Variants in GUCY2F observed in about 807,000 individuals in gnomAD.
GUCY2F encodes guanylate cyclase 2F, retinal.
A neutral mutation model predicts 73.1 loss-of-function variants in GUCY2F; 61 were observed. The observed-to-expected ratio is 0.83, with a 90% CI of 0.68 to 1.03. GUCY2F has a LOEUF of 1.03. Ranked by LOEUF, GUCY2F falls within the 50% of genes least tolerant of loss-of-function variation. The pLI is 0.00. For synonymous variants in GUCY2F, 331 were observed against 307.8 expected (o/e 1.08, Z -0.79); for missense variants, 912 against 854.3 (o/e 1.07, Z -0.84).
chrX:109,475,840 G>A lies in GUCY2F; in HGVS notation c.97C>T (p.Leu33=), dbSNP rs1359355781. The change falls in exon 2 of 20, where the codon CTG becomes TTG. Residue 33 remains leucine (L), a synonymous_variant. Coordinates refer to ENST00000218006, the MANE Select transcript of GUCY2F (RefSeq NM_001522.3). ...GHHGLASAKF[L]WCLCLLSVMS... ...ACAGACAGAAGGCACAAGCACCACA[G>A]GAACTTGGCAGATGCAAGGCCATGG... is the stretch of plus-strand genomic sequence containing the variant. The A allele has an allele frequency of 8.3e-7, 1 of 1,211,126 alleles. No homozygotes were observed. The highest frequency in any genetic ancestry group is 1.1e-6 in the Non-Finnish European group (1 of 895,257).
intron 10 of GUCY2F, among the ~76,000 whole-genome samples, chrX:109,403,644 A>G (rs1451468182): frequency 8.9e-6 from 1 of 112,236 alleles, no homozygotes; most frequent in East Asian, 2.8e-4. Flanking sequence ...TTTAAAAACC[A>G]TATATAACAT....
chrX:109,388,754 CTTG>C, intron 14 of GUCY2F, 91 bp from the exon 15 acceptor site: 2 of 567,865 alleles, frequency 3.5e-6, no homozygotes, highest in Non-Finnish European at 5.8e-6. Context: ...GCCAGGTGGT[CTTG>C]TTGTAAAGTG....
At chrX:109,411,896 A>G (rs1169826866) in intron 8 of GUCY2F, among the ~76,000 whole-genome samples, 1 of 112,160 alleles carries the variant, frequency 8.9e-6, no homozygotes, top group Non-Finnish European at 1.9e-5. Flanking sequence ...ACAGCCTGCA[A>G]TAATAAGACT....
At chrX:109,396,633 A>C (rs1159120834) in intron 11 of GUCY2F, among the ~76,000 whole-genome samples, 1 of 111,756 alleles carries the variant, frequency 8.9e-6, no homozygotes, top group Non-Finnish European at 1.9e-5. Flanking sequence ...TTGCCCCACC[A>C]GTGTGACCTT....
chrX:109,435,217 C>G lies in GUCY2F; in HGVS notation c.1702-4821G>C, dbSNP rs1425405638. Among the ~76,000 whole-genome samples, 17 of 110,900 alleles carry G rather than the reference C, an allele frequency of 1.5e-4. No homozygotes were observed. The South Asian group carries it at 6.5e-3, about 43-fold the overall frequency. ...CATTGAATCTATAAATTACCTTGGG[C>G]AGTATGGCCATTTTCACGATATTGA... is the stretch of plus-strand genomic sequence containing the variant. On this transcript the variant is annotated intron_variant, in intron 7 of 19. Transcript: ENST00000218006.
intron 2 of GUCY2F, among the ~76,000 whole-genome samples, chrX:109,474,178 A>G (rs2147285078): frequency 9.0e-6 from 1 of 111,692 alleles, no homozygotes; most frequent in South Asian, 3.8e-4. Context: ...TCTCTAACAA[A>G]CATTTCCTTA....
At chrX:109,407,603 A>T (rs1264755678) in intron 9 of GUCY2F, among the ~76,000 whole-genome samples, 1 of 112,957 alleles carries the variant, frequency 8.9e-6, no homozygotes, top group African/African-American at 3.2e-5. Flanking sequence ...ACAGGCCTGG[A>T]GGCCCAGGAG....
At chrX:109,465,515 G>A in intron 2 of GUCY2F, 72 bp from the exon 3 acceptor site, 1 of 780,460 alleles carries the variant, frequency 1.3e-6, no homozygotes, top group Admixed American at 2.8e-5. Context: ...ACTACAGAGA[G>A]GAAAAATAAA....
intron 9 of GUCY2F, among the ~76,000 whole-genome samples, chrX:109,408,242 C>T (rs1288131099): frequency 8.9e-6 from 1 of 112,195 alleles, no homozygotes; most frequent in African/African-American, 3.2e-5. Context: ...CACTGGATTT[C>T]GGACTTGCAT....
At position 109,374,389 on chromosome X, in the gene GUCY2F, C is replaced by T. The variant is rs190515729; in HGVS notation, c.*2-1390G>A. On this transcript the variant is annotated intron_variant, in intron 19 of 19. Transcript: ENST00000218006. ...TATCTACAGTACACAGAAGCTGGCC[C>T]TCTGTCAAGGGGTTCCAGATGAGTG... 8.9e-3 allele frequency among the ~76,000 whole-genome samples: 995 copies of T among 111,791 alleles called. 9 individuals carry two copies. Among genetic ancestry groups the T allele is most frequent in the African/African-American group, 0.031 (959 of 30,721 alleles).
intron 1 of GUCY2F, among the ~76,000 whole-genome samples, chrX:109,479,444 C>A (rs766260593): frequency 1.8e-5 from 2 of 111,976 alleles, no homozygotes; most frequent in African/African-American, 3.3e-5. Context: ...ACCATGTGAC[C>A]TGAACAGATT....
intron 7 of GUCY2F, among the ~76,000 whole-genome samples, chrX:109,435,355 T>C (rs1254816845): frequency 7.6e-5 from 8 of 105,475 alleles, no homozygotes; most frequent in African/African-American, 2.8e-4. Context: ...CCCTTGTAAG[T>C]TGGATTCCTA....
Position 109,476,040 on chromosome X carries a change from G to T in GUCY2F, c.-85-19C>A, listed in dbSNP as rs1320374171. 5.8e-6 allele frequency: 4 copies of T among 691,352 alleles called. No homozygotes were observed. Among genetic ancestry groups the T allele is most frequent in the Non-Finnish European group, 8.3e-6 (4 of 482,514 alleles). The allele number at this position is 691,352 out of a possible 1,213,427, so 57.0% of individuals were successfully genotyped here. ...CAAATGCCTGTCAATCAGAGGAAAA[G>T]GTTTGTTACTCACATTATTTCTGAA... On this transcript the variant is annotated intron_variant, in intron 1 of 19. Coordinates refer to ENST00000218006, the MANE Select transcript of GUCY2F (RefSeq NM_001522.3).
intron 13 of GUCY2F, 64 bp downstream of exon 13, chrX:109,392,828 C>CT (rs878934421): frequency 0.029 from 16,399 of 563,358 alleles, no homozygotes; most frequent in Non-Finnish European, 0.033. Context: ...TTTTCTTTCT[C>CT]TTTTTTTTTT....
intron 17 of GUCY2F, among the ~76,000 whole-genome samples, chrX:109,377,994 A>G (rs766685439): frequency 6.3e-4 from 70 of 111,317 alleles, no homozygotes; most frequent in African/African-American, 2.2e-3. Context: ...TGACTTCCAC[A>G]ATTTTGCTAA....
chrX:109,459,151 A>T (rs1161637013), intron 3 of GUCY2F, among the ~76,000 whole-genome samples: 1 of 111,601 alleles, frequency 9.0e-6, no homozygotes, highest in African/African-American at 3.3e-5. Context: ...CAAAGAGAAC[A>T]AGGAACAGAA....
rs1359676832 is a variant in GUCY2F, at chrX:109,441,469, G to C, written c.1583C>G (p.Ala528Gly). 8.5e-7 allele frequency: 1 copy of C among 1,175,518 alleles called. No individual in the cohort carries two copies. The highest frequency in any genetic ancestry group is 1.1e-6 in the Non-Finnish European group (1 of 875,974). The change falls in exon 7 of 20, where the codon GCC (alanine) becomes GGC (glycine). Residue 528 changes from alanine (A) to glycine (G), a missense_variant. By Grantham distance (60) the Ala-to-Gly change is moderately conservative. Transcript: ENST00000218006. ...TGAGGTAATCTGGAAGCTTACACTG[G>C]CACGACTTCCTCTCTGTGAAAGGAT... ...PHFGSKRGSRASVSFQITSEV... is the reference protein window; with the variant it reads ...PHFGSKRGSRGSVSFQITSEV...
intron 2 of GUCY2F, among the ~76,000 whole-genome samples, chrX:109,473,948 G>C (rs1932625931): frequency 8.9e-6 from 1 of 112,222 alleles, no homozygotes. Context: ...GCTCTGCTTT[G>C]AAAGTATCAA....
At chrX:109,420,358 AAG>A (rs1158957153) in intron 8 of GUCY2F, among the ~76,000 whole-genome samples, 43 of 105,926 alleles carry the variant, frequency 4.1e-4, no homozygotes, top group African/African-American at 6.9e-4. Flanking sequence ...AAGAAAAAGA[AAG>A]AGAGAGAGAG....
Sources: allele counts gnomAD v4.1 joint callset (sites outside exome capture counted in the v4.1 genomes callset), GRCh38; gene constraint gnomAD v4.1.1; transcripts MANE v1.5; gene names NCBI Gene and HGNC (gene_info 2026-07-23, HGNC 2026-07-21).